DACH2: variants seen among roughly 807,000 people sequenced by gnomAD.
DACH2 encodes the protein dachshund homolog 2.
Under a neutral mutation model 35.8 loss-of-function variants are expected in DACH2, and 17 were observed. The ratio of observed to expected loss-of-function variants is 0.48; its 90% CI spans 0.33 to 0.71. DACH2 has a LOEUF of 0.71. DACH2 is among the 30% of genes least tolerant of loss of function. DACH2 has a pLI of 0.02. For missense variants in DACH2, 469 were observed against 472.7 expected (o/e 0.99, Z 0.07); for synonymous variants, 195 against 177.3 (o/e 1.10, Z -0.79).
intron 1 of DACH2, among the ~76,000 whole-genome samples, chrX:86,153,174 A>G (rs1411376545): frequency 9.0e-6 from 1 of 111,375 alleles, no homozygotes; most frequent in Non-Finnish European, 1.9e-5. Flanking sequence ...TGAAGAAACA[A>G]GAAAGTATGA....
At chrX:86,758,805 A>G (rs915900001) in intron 7 of DACH2, among the ~76,000 whole-genome samples, 3 of 112,211 alleles carry the variant, frequency 2.7e-5, no homozygotes, top group African/African-American at 9.7e-5. Context: ...GTAGGTACAT[A>G]TATTTATGAA....
At chrX:86,258,587 C>T (rs777189729) in intron 1 of DACH2, among the ~76,000 whole-genome samples, 87 of 111,499 alleles carry the variant, frequency 7.8e-4, no homozygotes, top group Non-Finnish European at 1.5e-3. Context: ...CTTTTTAAAT[C>T]TGGTATCTTA....
intron 1 of DACH2, among the ~76,000 whole-genome samples, chrX:86,367,076 A>G (rs1454447910): frequency 9.0e-6 from 1 of 111,450 alleles, no homozygotes; most frequent in Non-Finnish European, 1.9e-5. Flanking sequence ...AGCTGTGAAG[A>G]CAGGATAGAA....
chrX:86,575,745 G>A (rs1192896036), intron 3 of DACH2, among the ~76,000 whole-genome samples: 2 of 111,645 alleles, frequency 1.8e-5, no homozygotes, highest in Admixed American at 1.9e-4. Context: ...AGTGTGACAT[G>A]GTCAGTTCAG....
intron 7 of DACH2, among the ~76,000 whole-genome samples, chrX:86,804,096 G>C (rs778778290): frequency 9.0e-5 from 10 of 111,640 alleles, no homozygotes; most frequent in Non-Finnish European, 1.9e-4. Context: ...TCCATTATTG[G>C]TCCATTCTTG....
intron 1 of DACH2, among the ~76,000 whole-genome samples, chrX:86,189,403 G>A (rs1014442419): frequency 1.6e-4 from 18 of 111,729 alleles, no homozygotes; most frequent in Non-Finnish European, 3.4e-4. Flanking sequence ...TTCATCAACC[G>A]TGTCAGTGAA....
intron 1 of DACH2, among the ~76,000 whole-genome samples, chrX:86,347,481 A>G (rs761042253): frequency 6.0e-4 from 68 of 112,803 alleles, no homozygotes; most frequent in Non-Finnish European, 1.0e-3. Flanking sequence ...TTAGATACAC[A>G]TAATCCATTC....
intron 7 of DACH2, among the ~76,000 whole-genome samples, chrX:86,780,159 A>AATAT: frequency 3.6e-5 from 2 of 55,614 alleles, no homozygotes; most frequent in Non-Finnish European, 6.5e-5. Context: ...GGCATCAAAG[A>AATAT]ATATAAATAC....
chrX:86,793,414 C>T (rs1210009876), intron 7 of DACH2, among the ~76,000 whole-genome samples: 1 of 110,902 alleles, frequency 9.0e-6, no homozygotes, highest in Non-Finnish European at 1.9e-5. Context: ...TATTGAGAAA[C>T]ATATAAGAGA....
At chrX:86,292,067 G>C (rs1405897818) in intron 1 of DACH2, among the ~76,000 whole-genome samples, 1 of 55,733 alleles carries the variant, frequency 1.8e-5, no homozygotes, top group Non-Finnish European at 3.0e-5. Flanking sequence ...GACTATTTTT[G>C]GTTGGTAAGC....
chrX:86,398,957 A>G (rs1265169670), intron 2 of DACH2, among the ~76,000 whole-genome samples: 1 of 111,308 alleles, frequency 9.0e-6, no homozygotes, highest in African/African-American at 3.3e-5. Context: ...TTTCTGTCTC[A>G]TTGATCTGTC....
At chrX:86,492,304 G>T (rs983524661) in intron 2 of DACH2, among the ~76,000 whole-genome samples, 1 of 111,476 alleles carries the variant, frequency 9.0e-6, no homozygotes. Context: ...CCAGCTGTGT[G>T]TACTGATCTC....
intron 3 of DACH2, among the ~76,000 whole-genome samples, chrX:86,516,276 G>C (rs2038466282): frequency 9.0e-6 from 1 of 111,660 alleles, no homozygotes; most frequent in South Asian, 3.8e-4. Flanking sequence ...CCTAGAAAGA[G>C]TACCATGCAA....
rs973058634 is a variant in DACH2 at position 86,623,905 on chromosome X, G to A, written c.641-27131G>A. 7.9e-5 allele frequency among the ~76,000 whole-genome samples: 8 copies of A among 101,532 alleles called. 1 individual carries two copies. The highest frequency in any genetic ancestry group is 1.0e-4 in the Non-Finnish European group (5 of 49,831). 88.2% of individuals were successfully genotyped at this position (101,532 alleles called of 115,157 possible). On this transcript the variant is annotated intron_variant, in intron 3 of 11. Transcript: ENST00000373125. ...TCTACTAAAAATACAAAAATTAGCCGGGCATGGTGGCGCGTGCCTGTAGTC... is the reference window on the plus strand; with the variant it reads ...TCTACTAAAAATACAAAAATTAGCCAGGCATGGTGGCGCGTGCCTGTAGTC...
intron 5 of DACH2, among the ~76,000 whole-genome samples, chrX:86,708,523 C>G (rs2041244454): frequency 9.2e-6 from 1 of 108,593 alleles, no homozygotes; most frequent in South Asian, 4.0e-4. Flanking sequence ...AAAAATTCAT[C>G]TTAAGTGAAA....
In DACH2 at chrX:86,149,116, A is replaced by G; in HGVS notation, c.488+8A>G. ...CGATTGCACCAATGCCAGGTGAGACACTCGTTTCTTGGCTCTCCCACTTCT... is the reference window on the plus strand; with the variant it reads ...CGATTGCACCAATGCCAGGTGAGACGCTCGTTTCTTGGCTCTCCCACTTCT... On this transcript the variant is annotated splice_region_variant and intron_variant, in intron 1 of 11. Coordinates refer to ENST00000373125, the MANE Select transcript of DACH2 (RefSeq NM_053281.3). 8.6e-7 allele frequency: 1 copy of G among 1,168,531 alleles called. No homozygotes were observed. The highest frequency in any genetic ancestry group is 1.1e-6 in the Non-Finnish European group (1 of 873,120).
chrX:86,229,206 C>G (rs1602305276), intron 1 of DACH2, among the ~76,000 whole-genome samples: 1 of 111,863 alleles, frequency 8.9e-6, no homozygotes, highest in South Asian at 3.7e-4. Context: ...TATCCCAGCA[C>G]CATTTGTTGA....
At chrX:86,411,750 G>A (rs746969508) in intron 2 of DACH2, among the ~76,000 whole-genome samples, 88 of 111,633 alleles carry the variant, frequency 7.9e-4, no homozygotes, top group African/African-American at 2.8e-3. Flanking sequence ...GAAAATTACA[G>A]TCCCCGTTTC....
At chrX:86,482,858 G>A (rs1210128259) in intron 2 of DACH2, among the ~76,000 whole-genome samples, 4 of 109,173 alleles carry the variant, frequency 3.7e-5, no homozygotes, top group Non-Finnish European at 7.6e-5. Context: ...GATGAAATTG[G>A]AAACCATCAT....
Sources: gnomAD v4.1 joint callset for allele counts (sites outside exome capture counted in the v4.1 genomes callset) on GRCh38, gnomAD v4.1.1 for gene constraint, MANE v1.5 for transcripts, NCBI Gene and HGNC (gene_info 2026-07-23, HGNC 2026-07-21) for gene names.